Variants in ANO5 observed in about 807,000 individuals in gnomAD.
The protein encoded by ANO5 is anoctamin 5.
Under a neutral mutation model 121.0 loss-of-function variants are expected in ANO5, and 109 were observed. The ratio of observed to expected loss-of-function variants is 0.90; its 90% CI spans 0.77 to 1.06. The LOEUF (loss-of-function observed/expected upper bound fraction) is 1.06. ANO5 is among the 50% of genes least tolerant of loss of function. The probability of loss-of-function intolerance (pLI) is 0.00; values close to 1 mark genes in which losing one functional copy is unlikely to be tolerated. For synonymous variants in ANO5, 406 were observed against 359.9 expected, an observed-to-expected ratio of 1.13 and a Z score of -1.45; for missense variants, 1,064 against 1,078.5, an observed-to-expected ratio of 0.99 and a Z score of 0.19.
At position 22,250,818 on chromosome 11, in the gene ANO5, G is replaced by T. The variant is rs1326553523; in HGVS notation, c.1091G>T (p.Arg364Ile). 2 of 1,614,018 alleles carry T rather than the reference G, an allele frequency of 1.2e-6. No homozygotes were observed. The highest frequency in any genetic ancestry group is 1.7e-6 in the Non-Finnish European group (2 of 1,179,924). Residue 364 changes from arginine (R) to isoleucine (I), a missense_variant, in exon 11 of 22, where the codon AGA becomes ATA. Physicochemically the swap from Arg to Ile is moderately conservative, Grantham distance 97. Transcript: ENST00000324559. ...PLCDQVCDYW[R>I]LNSTCLASKF... ...TGTGATCAAGTGTGTGATTATTGGAGACTAAATAGTACGTGTTTGGCTTCA... is the reference window on the plus strand; with the variant it reads ...TGTGATCAAGTGTGTGATTATTGGATACTAAATAGTACGTGTTTGGCTTCA...
intron 12 of ANO5, among the ~76,000 whole-genome samples, chr11:22,253,466 T>A (rs1371669831): frequency 2.0e-5 from 3 of 152,260 alleles, no homozygotes; most frequent in African/African-American, 7.2e-5. Context: ...TGACATCCAA[T>A]CTCTTGCATA....
intron 3 of ANO5, among the ~76,000 whole-genome samples, chr11:22,217,101 T>A (rs954301504): frequency 1.3e-5 from 2 of 151,960 alleles, no homozygotes; most frequent in Non-Finnish European, 2.9e-5. Flanking sequence ...AACTCCTCTG[T>A]CTATATATAG....
At chr11:22,216,938 T>C (rs1852465248) in intron 3 of ANO5, among the ~76,000 whole-genome samples, 1 of 151,808 alleles carries the variant, frequency 6.6e-6, no homozygotes, top group Non-Finnish European at 1.5e-5. Flanking sequence ...CTGAGAAAAA[T>C]AGTAACCTGT....
Position 22,282,336 on chromosome 11 carries a change from A to C in ANO5, c.*2571A>C, listed in dbSNP as rs1855112656. On this transcript the variant is annotated 3_prime_UTR_variant, in exon 22 of 22. Coordinates refer to ENST00000324559, the MANE Select transcript of ANO5 (RefSeq NM_213599.3). Reference sequence around the variant, plus strand: ...CCTTTGCACACAGGAAGCAAAATCTACTTCAAGACATTTATTTTAGAGGAA... The same window carrying C: ...CCTTTGCACACAGGAAGCAAAATCTCCTTCAAGACATTTATTTTAGAGGAA... 6.6e-6 allele frequency: 1 copy of C among 152,158 alleles called. No homozygotes were observed. Among genetic ancestry groups the C allele is most frequent in the Non-Finnish European group, 1.5e-5 (1 of 68,002 alleles). The allele number at this position is 152,158 out of a possible 1,614,324, so 9.4% of individuals were successfully genotyped here.
intron 2 of ANO5, among the ~76,000 whole-genome samples, chr11:22,207,219 G>A (rs1852147919): frequency 6.6e-6 from 1 of 151,994 alleles, no homozygotes; most frequent in African/African-American, 2.4e-5. Context: ...GAAATACAAA[G>A]GAAGTAGAAG....
At chr11:22,233,203 A>G (rs1423697918) in intron 7 of ANO5, among the ~76,000 whole-genome samples, 1 of 151,642 alleles carries the variant, frequency 6.6e-6, no homozygotes, top group African/African-American at 2.4e-5. Flanking sequence ...GGAGATGAGT[A>G]TGCTGCCTTT....
rs1233599882 is a variant in ANO5 at position 22,279,798 on chromosome 11, C to G, written c.*33C>G. 1.9e-6 allele frequency: 3 copies of G among 1,560,930 alleles called. No homozygotes were observed. In the South Asian group the frequency reaches 3.3e-5, roughly 17 times the overall value. The stretch of plus-strand genomic sequence containing the variant: ...AGTGAGGAAGCAGCAGGTGATCTGC[C>G]TTACTTCACTTTATCCTCTGGTTTT... On this transcript the variant is annotated 3_prime_UTR_variant, in exon 22 of 22. Transcript: ENST00000324559.
intron 1 of ANO5, among the ~76,000 whole-genome samples, chr11:22,198,615 T>G (rs1851878117): frequency 6.6e-6 from 1 of 152,234 alleles, no homozygotes; most frequent in Non-Finnish European, 1.5e-5. Context: ...GTTTGCAGTT[T>G]TTCAACTTTC....
At chr11:22,257,139 A>G (rs1297021129) in intron 13 of ANO5, among the ~76,000 whole-genome samples, 1 of 151,748 alleles carries the variant, frequency 6.6e-6, no homozygotes, top group Admixed American at 6.6e-5. Flanking sequence ...GGTAAAATCT[A>G]CTTACTTCTT....
chr11:22,244,531 A>C (rs1853552922), intron 9 of ANO5, among the ~76,000 whole-genome samples: 1 of 150,518 alleles, frequency 6.6e-6, no homozygotes, highest in Non-Finnish European at 1.5e-5. Context: ...AATAAGTCAT[A>C]AGTTTGGTCT....
At position 22,205,824 on chromosome 11, in the gene ANO5, A is replaced by T. The variant is rs565142516; in HGVS notation, c.87+1974A>T. Among the ~76,000 whole-genome samples, 6 of 152,222 alleles carry T rather than the reference A, an allele frequency of 3.9e-5. No homozygotes were observed. In the East Asian group the frequency reaches 9.7e-4, roughly 25 times the overall value. ...GTAGATACCAAAAAGATAATAAAGG[A>T]ATACTACTAACAACTCTACACACAT... On this transcript the variant is annotated intron_variant, in intron 2 of 21. Transcript: ENST00000324559.
chr11:22,206,347 T>A (rs1306769996), intron 2 of ANO5, among the ~76,000 whole-genome samples: 2 of 151,634 alleles, frequency 1.3e-5, no homozygotes, highest in Non-Finnish European at 2.9e-5. Context: ...GACAGAGTCT[T>A]GCTCTGTCAC....
chr11:22,276,560 C>A (rs912060074), intron 21 of ANO5, among the ~76,000 whole-genome samples: 8 of 151,732 alleles, frequency 5.3e-5, no homozygotes, highest in Non-Finnish European at 1.2e-4. Context: ...CCTTATCGCT[C>A]ACCTTTGAAA....
chr11:22,214,514 T>C (rs1365153904), intron 3 of ANO5, among the ~76,000 whole-genome samples: 1 of 151,868 alleles, frequency 6.6e-6, no homozygotes. Flanking sequence ...TCTCAGCATA[T>C]ATAGGTGTAG....
At chr11:22,194,499 T>C (rs761629160) in intron 1 of ANO5, among the ~76,000 whole-genome samples, 2 of 152,254 alleles carry the variant, frequency 1.3e-5, no homozygotes, top group Non-Finnish European at 1.5e-5. Context: ...CGTGTAAAGT[T>C]GGATTTTTTT....
Position 22,227,352 on chromosome 11 carries a change from G to A in ANO5, c.414G>A (p.Glu138=), listed in dbSNP as rs1421178168. Residue 138 remains glutamate (E), a synonymous_variant, in exon 7 of 22, where the codon GAG becomes GAA. Coordinates refer to ENST00000324559, the MANE Select transcript of ANO5 (RefSeq NM_213599.3). ...TYFVKIHAPW[E]VLVTYAEVLG... Reference sequence around the variant, plus strand: ...TTGTCAAGATCCATGCCCCTTGGGAGGTATTAGTTACCTATGCTGAAGTCT... The same window carrying A: ...TTGTCAAGATCCATGCCCCTTGGGAAGTATTAGTTACCTATGCTGAAGTCT... 3.7e-6 allele frequency: 6 copies of A among 1,613,226 alleles called. No homozygotes were observed. The highest frequency in any genetic ancestry group is 1.1e-5 in the South Asian group (1 of 91,064).
chr11:22,254,334 A>G (rs1853921678), intron 12 of ANO5, among the ~76,000 whole-genome samples: 1 of 152,198 alleles, frequency 6.6e-6, no homozygotes, highest in South Asian at 2.1e-4. Flanking sequence ...AGATGATACA[A>G]TTATGAGTTA....
At chr11:22,236,327 G>A (rs1317958084) in intron 8 of ANO5, 51 bp downstream of exon 8, 15 of 1,388,024 alleles carry the variant, frequency 1.1e-5, no homozygotes, top group Non-Finnish European at 1.5e-5. Flanking sequence ...CTCCTGCCAT[G>A]TTCATTACTG....
In ANO5 at chr11:22,205,348, CTAAAAGT is replaced by C. The variant is rs1441352681; in HGVS notation, c.87+1502_87+1508del. Among the ~76,000 whole-genome samples the C allele has an allele frequency of 2.0e-5, 3 of 151,946 alleles. No individual in the cohort carries two copies. In the East Asian group the frequency reaches 5.8e-4, roughly 30 times the overall value. ...CTGCACTTGTATCTCTGGACTTAAA[CTAAAAGT>C]TAACAAAGAAAAGTTCAGCGACCTA... On this transcript the variant is annotated intron_variant, in intron 2 of 21. Coordinates refer to ENST00000324559, the MANE Select transcript of ANO5 (RefSeq NM_213599.3).
Sources: allele counts gnomAD v4.1 joint callset (sites outside exome capture counted in the v4.1 genomes callset), GRCh38; gene constraint gnomAD v4.1.1; transcripts MANE v1.5; gene names NCBI Gene and HGNC (gene_info 2026-07-23, HGNC 2026-07-21).